Variants in ATP8A2 observed in about 807,000 individuals in gnomAD.
ATP8A2 encodes the protein phospholipid-transporting ATPase IB.
ATP8A2 carries 100 observed loss-of-function variants against 165.6 expected under a neutral mutation model. That is an observed-to-expected ratio of 0.60 (90% CI 0.51 to 0.71). The LOEUF is 0.71. Among genes scored for constraint, ATP8A2 ranks in the 30% least tolerant of loss-of-function variants. The probability of loss-of-function intolerance (pLI) is 0.00; values close to 1 mark genes in which losing one functional copy is unlikely to be tolerated. For synonymous variants in ATP8A2, 543 were observed against 548.8 expected (o/e 0.99, Z 0.15); for missense variants, 1,227 against 1,479.5 (o/e 0.83, Z 2.80).
Position 25,774,975 on chromosome 13 carries a change from T to A in ATP8A2, c.2679+16T>A. ...TATTATTGAGGTAAGAAGGGGTATT[T>A]TTTTTCCTTGAAGAGAAAGTTCTTT... On this transcript the variant is annotated intron_variant, in intron 27 of 36. Coordinates refer to ENST00000381655, the MANE Select transcript of ATP8A2 (RefSeq NM_016529.6). 7.0e-7 allele frequency: 1 copy of A among 1,427,364 alleles called. No homozygotes were observed. The highest frequency in any genetic ancestry group is 9.8e-7 in the Non-Finnish European group (1 of 1,022,740). 88.4% of individuals were successfully genotyped at this position (1,427,364 alleles called of 1,614,324 possible). A position where few individuals can be genotyped will look rare whatever the true frequency, so the allele number is the denominator to read the frequency against.
At chr13:25,879,246 C>T (rs529521702) in intron 33 of ATP8A2, among the ~76,000 whole-genome samples, 1 of 152,318 alleles carries the variant, frequency 6.6e-6, no homozygotes, top group Admixed American at 6.5e-5. Flanking sequence ...GGGACAATAT[C>T]TCCAGTGGTG....
At chr13:25,830,232 C>G (rs1029037380) in intron 28 of ATP8A2, among the ~76,000 whole-genome samples, 2 of 151,930 alleles carry the variant, frequency 1.3e-5, no homozygotes, top group East Asian at 1.9e-4. Context: ...AGATTGGTCT[C>G]AAACTCCTGG....
chr13:25,615,366 G>A (rs536464477), intron 24 of ATP8A2, among the ~76,000 whole-genome samples: 104 of 152,256 alleles, frequency 6.8e-4, no homozygotes, highest in Non-Finnish European at 1.2e-3. Flanking sequence ...CATGAAGCCC[G>A]AAAGGCTGGT....
At chr13:25,930,483 C>A (rs1954740392) in intron 33 of ATP8A2, among the ~76,000 whole-genome samples, 1 of 152,120 alleles carries the variant, frequency 6.6e-6, no homozygotes, top group African/African-American at 2.4e-5. Context: ...AATTTCTGCA[C>A]CTTCTGGGGG....
At chr13:25,534,263 G>A (rs752291984) in intron 6 of ATP8A2, 38 of 523,232 alleles carry the variant, frequency 7.3e-5, no homozygotes, top group Non-Finnish European at 9.4e-5. Context: ...TCTTGAAGTC[G>A]TATGCTGCAA....
Position 25,600,199 on chromosome 13 carries a change from C to T in ATP8A2, c.2211+10500C>T, listed in dbSNP as rs2040345626. Among the ~76,000 whole-genome samples the T allele has an allele frequency of 2.6e-5, 4 of 152,270 alleles. No homozygotes were observed. The South Asian group carries it at 6.2e-4, about 24-fold the overall frequency. On this transcript the variant is annotated intron_variant, in intron 24 of 36. Coordinates refer to ENST00000381655, the MANE Select transcript of ATP8A2 (RefSeq NM_016529.6). The stretch of plus-strand genomic sequence containing the variant: ...TAAAGTTTCATTGAACACAGACATC[C>T]CCAAGGCTAGGTTAAAGAAGTGATT...
In ATP8A2 at chr13:25,541,933, T is replaced by G; in HGVS notation, c.666T>G (p.Thr222=). Residue 222 remains threonine (T), a synonymous_variant, in exon 9 of 37, where the codon ACT becomes ACG. Coordinates refer to ENST00000381655, the MANE Select transcript of ATP8A2 (RefSeq NM_016529.6). ...TAATCTTTTAGGGTTTGAGTCACACTGCTGACATGCAAACACGTGAAGTTC... is the reference window on the plus strand; with the variant it reads ...TAATCTTTTAGGGTTTGAGTCACACGGCTGACATGCAAACACGTGAAGTTC... ...NLKIRQGLSH[T]ADMQTREVLM... 1 of 1,614,144 alleles carries G rather than the reference T, an allele frequency of 6.2e-7. No homozygotes were observed. The highest frequency in any genetic ancestry group is 8.5e-7 in the Non-Finnish European group (1 of 1,180,002).
In ATP8A2 at chr13:25,372,078, C is replaced by T; in HGVS notation, c.-135C>T. Reference sequence around the variant, plus strand: ...CCTCGGGCGCGGCCCGGCACAGGCGCCGGCGGTCCCCGCCAGCTAGCAGCC... The same window carrying T: ...CCTCGGGCGCGGCCCGGCACAGGCGTCGGCGGTCCCCGCCAGCTAGCAGCC... On this transcript the variant is annotated 5_prime_UTR_variant, in exon 1 of 37. Transcript: ENST00000381655. The surrounding 1 kb of genome is among the most constrained non-coding windows in gnomAD (Gnocchi z 4.8). 2.0e-6 allele frequency: 1 copy of T among 509,688 alleles called. No individual in the cohort carries two copies. Among genetic ancestry groups the T allele is most frequent in the Non-Finnish European group, 2.9e-6 (1 of 347,692 alleles). 31.6% of individuals were successfully genotyped at this position (509,688 alleles called of 1,614,324 possible).
At chr13:25,653,632 GT>G (rs2041864105) in intron 24 of ATP8A2, among the ~76,000 whole-genome samples, 1 of 152,124 alleles carries the variant, frequency 6.6e-6, no homozygotes, top group African/African-American at 2.4e-5. Context: ...CAAGATTTTT[GT>G]TTTTGTTTTT....
chr13:25,491,575 A>G (rs1437560474), intron 2 of ATP8A2, among the ~76,000 whole-genome samples: 1 of 152,190 alleles, frequency 6.6e-6, no homozygotes, highest in Non-Finnish European at 1.5e-5. Context: ...CAGCGTTTAT[A>G]AACACTAAGA....
rs550840622 is a variant in ATP8A2, at chr13:25,508,394, C to T, written c.222-21605C>T. Among the ~76,000 whole-genome samples the T allele has an allele frequency of 6.2e-4, 95 of 152,206 alleles. 1 individual carries two copies. In the South Asian group the frequency reaches 0.018, roughly 30 times the overall value. On this transcript the variant is annotated intron_variant, in intron 2 of 36. Coordinates refer to ENST00000381655, the MANE Select transcript of ATP8A2 (RefSeq NM_016529.6). Reference sequence around the variant, plus strand: ...ATATGAACATGGGTCTTTATTGTGACGTGTCTCATAACATACAAAGCCTGG... The same window carrying T: ...ATATGAACATGGGTCTTTATTGTGATGTGTCTCATAACATACAAAGCCTGG...
At chr13:25,661,631 G>T (rs9511864) in intron 24 of ATP8A2, among the ~76,000 whole-genome samples, 150,973 of 152,344 alleles carry the variant, frequency 0.99, 74,822 homozygotes, top group East Asian at 1. Flanking sequence ...CTGGAGAGAC[G>T]GTCTTTCCTT....
chr13:25,623,103 G>A (rs2041013032), intron 24 of ATP8A2, among the ~76,000 whole-genome samples: 1 of 152,194 alleles, frequency 6.6e-6, no homozygotes, highest in African/African-American at 2.4e-5. Context: ...GCCAGGACTG[G>A]CCACGCACAG....
chr13:26,011,770 C>CA (rs146131686), intron 35 of ATP8A2, among the ~76,000 whole-genome samples: 13 of 152,070 alleles, frequency 8.5e-5, no homozygotes, highest in South Asian at 4.2e-4. Flanking sequence ...CCTGTCTCTG[C>CA]AAAAAATGTT....
At position 25,854,328 on chromosome 13, in the gene ATP8A2, T is replaced by TTTTG. The variant is rs886685019; in HGVS notation, c.2957-5851_2957-5848dup. ...ACCCTACATCCAAATCATAAGAAAATTTTGTTTGTTTGTTTGTTTTTATAA... is the reference window on the plus strand; with the variant it reads ...ACCCTACATCCAAATCATAAGAAAATTTTGTTTGTTTGTTTGTTTGTTTTTATAA... On this transcript the variant is annotated intron_variant, in intron 30 of 36. Transcript: ENST00000381655. Among the ~76,000 whole-genome samples, 3 of 152,096 alleles carry TTTTG rather than the reference T, an allele frequency of 2.0e-5. No individual in the cohort carries two copies. The East Asian group carries it at 5.8e-4, about 29-fold the overall frequency.
intron 27 of ATP8A2, among the ~76,000 whole-genome samples, chr13:25,794,838 C>CACACACAG (rs1238340457): frequency 6.6e-6 from 1 of 151,252 alleles, no homozygotes; most frequent in African/African-American, 2.4e-5. Flanking sequence ...CACACACACA[C>CACACACAG]ACACACACAC....
At chr13:25,686,981 G>C (rs529289359) in intron 24 of ATP8A2, among the ~76,000 whole-genome samples, 1 of 152,114 alleles carries the variant, frequency 6.6e-6, no homozygotes, top group Non-Finnish European at 1.5e-5. Context: ...TCCTGTAGTC[G>C]ATGTTTCATG....
chr13:25,576,992 T>G (rs1252542234), intron 19 of ATP8A2, 77 bp from the exon 20 acceptor site: 2 of 1,194,514 alleles, frequency 1.7e-6, no homozygotes, highest in Non-Finnish European at 2.5e-6. Flanking sequence ...CCCCCTTTTG[T>G]TTTGATTGGT....
intron 24 of ATP8A2, among the ~76,000 whole-genome samples, chr13:25,679,315 A>G (rs1191946984): frequency 1.3e-5 from 2 of 152,198 alleles, no homozygotes; most frequent in Admixed American, 6.5e-5. Context: ...TTGTAAGCAC[A>G]GTGAAAAAAT....
Sources: gnomAD v4.1 joint callset for allele counts (sites outside exome capture counted in the v4.1 genomes callset) on GRCh38, gnomAD v4.1.1 for gene constraint, Gnocchi (gnomAD v3.1) non-coding constraint, MANE v1.5 for transcripts, NCBI Gene and HGNC (gene_info 2026-07-23, HGNC 2026-07-21) for gene names.